GBP1: variants seen among roughly 807,000 people sequenced by gnomAD.
GBP1 encodes guanylate binding protein 1, also known as guanylate-binding protein 1.
GBP1 carries 64 observed loss-of-function variants against 69.5 expected under a neutral mutation model. The ratio of observed to expected loss-of-function variants is 0.92; its 90% CI spans 0.75 to 1.13. The LOEUF (loss-of-function observed/expected upper bound fraction) is 1.13, where lower values mean the gene tolerates loss of function less well. Among genes scored for constraint, GBP1 ranks in the 50% most tolerant of loss-of-function variants. The probability of loss-of-function intolerance (pLI) is 0.00; values close to 1 mark genes in which losing one functional copy is unlikely to be tolerated. For missense variants in GBP1, 630 were observed against 704.1 expected (o/e 0.89, Z 1.19); for synonymous variants, 250 against 261.2 (o/e 0.96, Z 0.41).
intron 2 of GBP1, among the ~76,000 whole-genome samples, chr1:89,060,610 G>T (rs1194049905): frequency 2.6e-5 from 4 of 152,212 alleles, no homozygotes; most frequent in Non-Finnish European, 1.5e-5. Flanking sequence ...CACATTTAAT[G>T]ATGAAACGTC....
intron 2 of GBP1, among the ~76,000 whole-genome samples, chr1:89,060,852 T>C (rs562092109): frequency 6.6e-6 from 1 of 152,342 alleles, no homozygotes; most frequent in East Asian, 1.9e-4. Context: ...AAACAATTCA[T>C]CAAAGTTGCA....
rs751902731 is a variant in GBP1 at position 89,058,995 on chromosome 1, A to T, written c.477T>A (p.Asp159Glu). The change falls in exon 5 of 11, where the codon GAT (aspartate) becomes GAA (glutamate). Residue 159 changes from aspartate to glutamate, a missense_variant. Physicochemically the swap from Asp to Glu is conservative, Grantham distance 45. Around this residue, in one of 5 missense-constraint regions of GBP1, gnomAD observed 367 missense variants for 369.5 expected, o/e 0.99. Coordinates refer to ENST00000370473, the MANE Select transcript of GBP1 (RefSeq NM_002053.3). ...THRIRSKSSP[D>E]ENENEVEDSA... Reference sequence around the variant, plus strand: ...AATCCTCAACCTCATTCTCATTCTCATCAGGTGAGGATTTTGATCGGATTC... The same window carrying T: ...AATCCTCAACCTCATTCTCATTCTCTTCAGGTGAGGATTTTGATCGGATTC... 5 of 1,613,696 alleles carry T rather than the reference A, an allele frequency of 3.1e-6. No individual in the cohort carries two copies. In the Admixed American group the frequency reaches 8.3e-5, roughly 27 times the overall value.
At chr1:89,053,545 A>T in intron 10 of GBP1, 77 bp from the exon 11 acceptor site, 1 of 1,546,818 alleles carries the variant, frequency 6.5e-7, no homozygotes, top group South Asian at 1.2e-5. Flanking sequence ...TTCCACATTA[A>T]ATGATTTGTT....
chr1:89,053,832 C>G (rs1247773512), intron 10 of GBP1, among the ~76,000 whole-genome samples: 3 of 152,168 alleles, frequency 2.0e-5, no homozygotes, highest in African/African-American at 7.2e-5. Context: ...TCAAAACAAA[C>G]TGGGAGCAGG....
At chr1:89,064,286 A>G (rs1263283816) in intron 1 of GBP1, among the ~76,000 whole-genome samples, 1 of 149,098 alleles carries the variant, frequency 6.7e-6, no homozygotes, top group African/African-American at 2.5e-5. Context: ...GAGCTGTCAG[A>G]CCAGAGGTGA....
chr1:89,058,443 G>A (rs1356053982), intron 5 of GBP1: 1 of 542,688 alleles, frequency 1.8e-6, no homozygotes, highest in Non-Finnish European at 3.2e-6. Context: ...AAGACAGCTG[G>A]CAGGCAGGAT....
intron 10 of GBP1, among the ~76,000 whole-genome samples, chr1:89,053,888 G>T (rs1230452173): frequency 6.6e-6 from 1 of 152,288 alleles, no homozygotes; most frequent in Non-Finnish European, 1.5e-5. Flanking sequence ...CAGGTGTGAG[G>T]GTTAGGAGCC....
intron 2 of GBP1, among the ~76,000 whole-genome samples, chr1:89,062,112 A>T (rs1680216422): frequency 6.6e-6 from 1 of 152,182 alleles, no homozygotes; most frequent in Non-Finnish European, 1.5e-5. Flanking sequence ...GTGATTTCTT[A>T]AAAAAAGTTA....
intron 1 of GBP1, among the ~76,000 whole-genome samples, chr1:89,064,240 T>TGTGTGTGAGAGAGAGA (rs1243424526): frequency 1.0e-5 from 1 of 100,010 alleles, no homozygotes; most frequent in African/African-American, 4.1e-5. Context: ...TGTGTGTGTG[T>TGTGTGTGAGAGAGAGA]GAGAGAGAGA....
In GBP1 at chr1:89,052,505, G is replaced by T. The variant is rs1304427595; in HGVS notation, c.*850C>A. The T allele has an allele frequency of 6.6e-6, 1 of 152,156 alleles. No homozygotes were observed. Among genetic ancestry groups the T allele is most frequent in the East Asian group, 1.9e-4 (1 of 5,194 alleles). The allele number at this position is 152,156 out of a possible 1,614,324, so 9.4% of individuals were successfully genotyped here. On this transcript the variant is annotated 3_prime_UTR_variant, in exon 11 of 11. Transcript: ENST00000370473. ...ACTCAGAAAGTTTTCAAGTATGAGT[G>T]TTAAGAGTTAGAAAAGACTATCATA...
chr1:89,059,523 T>A, intron 3 of GBP1, 97 bp from the exon 4 acceptor site: 1 of 1,233,010 alleles, frequency 8.1e-7, no homozygotes. Context: ...GTTAGAGGGT[T>A]TTTTTTTCTT....
intron 7 of GBP1, 118 bp from the exon 8 acceptor site, chr1:89,056,346 C>T (rs1680045376): frequency 1.3e-6 from 2 of 1,524,034 alleles, no homozygotes; most frequent in Non-Finnish European, 1.8e-6. Context: ...AACTGACAGC[C>T]TCCTCACCAG....
intron 2 of GBP1, chr1:89,062,746 A>T: frequency 3.8e-6 from 1 of 263,988 alleles, no homozygotes; most frequent in Middle Eastern, 4.3e-4. Flanking sequence ...AATTGTAATA[A>T]ACATTGTATA....
chr1:89,063,779 G>C (rs1263402492), intron 1 of GBP1, among the ~76,000 whole-genome samples: 2 of 152,164 alleles, frequency 1.3e-5, no homozygotes, highest in African/African-American at 4.8e-5. Flanking sequence ...GATTGACAAA[G>C]CTTCTCACAT....
chr1:89,064,397 T>A (rs181307155), intron 1 of GBP1, among the ~76,000 whole-genome samples: 1 of 152,226 alleles, frequency 6.6e-6, no homozygotes, highest in East Asian at 1.9e-4. Flanking sequence ...TAAGCAAAGA[T>A]ATTTTCTGTA....
Position 89,058,020 on chromosome 1 carries a change from A to T in GBP1, c.846T>A (p.Leu282=), listed in dbSNP as rs770079853. The change falls in exon 6 of 11, where the codon CTT becomes CTA. Residue 282 remains leucine, a synonymous_variant. Coordinates refer to ENST00000370473, the MANE Select transcript of GBP1 (RefSeq NM_002053.3). ...YIFSNSKTKT[L]SGGIQVNGPR... is the part of the protein sequence containing the mutation. ...GCCCGTTGACCTGGATGCCTCCTGAAAGAGTTTTAGTTTTGGAATTACTAA... is the reference window on the plus strand; with the variant it reads ...GCCCGTTGACCTGGATGCCTCCTGATAGAGTTTTAGTTTTGGAATTACTAA... 7 of 1,613,558 alleles carry T rather than the reference A, an allele frequency of 4.3e-6. No homozygotes were observed. The highest frequency in any genetic ancestry group is 5.9e-6 in the Non-Finnish European group (7 of 1,179,846).
In GBP1 at chr1:89,058,954, C is replaced by A; in HGVS notation, c.518G>T (p.Ser173Ile). The change falls in exon 5 of 11, where the codon AGC becomes ATC. Residue 173 changes from serine to isoleucine, a missense_variant. Ser to Ile is a moderately radical substitution (Grantham distance 142, BLOSUM62 -2). Transcript: ENST00000370473. ...NEVEDSADFV[S>I]FFPDFVWTLR... is the part of the protein sequence containing the mutation. The stretch of plus-strand genomic sequence containing the variant: ...TGTCCACACAAAGTCTGGGAAGAAG[C>A]TCACAAAGTCAGCTGAATCCTCAAC... 2.5e-6 allele frequency: 4 copies of A among 1,614,192 alleles called. No homozygotes were observed. Among genetic ancestry groups the A allele is most frequent in the African/African-American group, 1.3e-5 (1 of 75,040 alleles).
At chr1:89,064,767 G>A (rs1276911435) in intron 1 of GBP1, among the ~76,000 whole-genome samples, 1 of 152,094 alleles carries the variant, frequency 6.6e-6, no homozygotes, top group Non-Finnish European at 1.5e-5. Context: ...CCATTTCTTA[G>A]CTGCATAGAA....
In GBP1 at chr1:89,060,193, T is replaced by A. The variant is rs757114516; in HGVS notation, c.318+4A>T. The A allele has an allele frequency of 6.9e-6, 11 of 1,591,202 alleles. No individual in the cohort carries two copies. In the South Asian group the frequency reaches 1.3e-4, roughly 18 times the overall value. ...TACTCCACAACTGGATCCTTGAGTC[T>A]CACCTTCTCTACATCTCCCAGACCC... On this transcript the variant is annotated splice_donor_region_variant and intron_variant, in intron 3 of 10. Transcript: ENST00000370473.
Sources: allele counts gnomAD v4.1 joint callset (sites outside exome capture counted in the v4.1 genomes callset), GRCh38; gene constraint gnomAD v4.1.1; regional missense constraint gnomAD v4.1.1; transcripts MANE v1.5; gene names NCBI Gene and HGNC (gene_info 2026-07-23, HGNC 2026-07-21).